Variants in TRAPPC12 observed in about 807,000 individuals in gnomAD.
The protein encoded by TRAPPC12 is TPR repeat protein 15.
Under a neutral mutation model 69.2 loss-of-function variants are expected in TRAPPC12, and 61 were observed. The observed-to-expected ratio is 0.88, with a 90% CI of 0.72 to 1.09. The LOEUF is 1.09. TRAPPC12 is among the 50% of genes least tolerant of loss of function. The pLI, the probability that TRAPPC12 is intolerant of heterozygous loss-of-function variation, is 0.00. For synonymous variants in TRAPPC12, 469 were observed against 438.9 expected, an observed-to-expected ratio of 1.07 and a Z score of -0.86; for missense variants, 1,101 against 1,016.4, an observed-to-expected ratio of 1.08 and a Z score of -1.13.
At chr2:3,464,994 T>C in intron 8 of TRAPPC12, among the ~76,000 whole-genome samples, 1 of 152,218 alleles carries the variant, frequency 6.6e-6, no homozygotes, top group Middle Eastern at 3.2e-3. Context: ...CTCCTACATG[T>C]TCCCCCGTAG....
At chr2:3,404,636 A>G (rs1257864044) in intron 3 of TRAPPC12, among the ~76,000 whole-genome samples, 2 of 152,126 alleles carry the variant, frequency 1.3e-5, no homozygotes, top group East Asian at 3.9e-4. Flanking sequence ...CAAAAATTAA[A>G]AATCTGTAAT....
chr2:3,479,110 C>A, intron 11 of TRAPPC12, 109 bp from the exon 12 acceptor site: 2 of 1,539,522 alleles, frequency 1.3e-6, no homozygotes. Context: ...CTCTGCCCAG[C>A]AGCTCTGCAC....
Position 3,404,217 on chromosome 2 carries a change from C to A in TRAPPC12, c.1164+2324C>A, listed in dbSNP as rs545272369. ...GGCTGTACTCTGCTGTGAGGTCGCG[C>A]AGGGACATCGTGCCCTGGGTTCCTG... On this transcript the variant is annotated intron_variant, in intron 3 of 11. Coordinates refer to ENST00000324266, the MANE Select transcript of TRAPPC12 (RefSeq NM_016030.6). 9.2e-5 allele frequency among the ~76,000 whole-genome samples: 14 copies of A among 152,240 alleles called. No homozygotes were observed. The South Asian group carries it at 2.9e-3, about 32-fold the overall frequency.
intron 3 of TRAPPC12, among the ~76,000 whole-genome samples, chr2:3,415,615 G>A (rs1662333118): frequency 6.6e-6 from 1 of 151,916 alleles, no homozygotes; most frequent in Non-Finnish European, 1.5e-5. Context: ...TGTTGGCCAG[G>A]CTGCTCTCCA....
intron 3 of TRAPPC12, among the ~76,000 whole-genome samples, chr2:3,405,133 C>T (rs142302469): frequency 3.7e-4 from 50 of 134,652 alleles, no homozygotes; most frequent in Non-Finnish European, 6.2e-4. Flanking sequence ...AGCATTTCAG[C>T]AGGGTCTACT....
At chr2:3,431,089 C>T (rs1356997671) in intron 5 of TRAPPC12, among the ~76,000 whole-genome samples, 3 of 152,360 alleles carry the variant, frequency 2.0e-5, no homozygotes, top group African/African-American at 7.2e-5. Context: ...CTGGAGCTTC[C>T]AAGAGCTCTG....
Position 3,388,201 on chromosome 2 carries a change from C to A in TRAPPC12, c.578C>A (p.Ala193Asp). 1 of 1,609,370 alleles carries A rather than the reference C, an allele frequency of 6.2e-7. No individual in the cohort carries two copies. The highest frequency in any genetic ancestry group is 8.5e-7 in the Non-Finnish European group (1 of 1,177,940). The stretch of plus-strand genomic sequence containing the variant: ...TTCGGTGGCGCCAGCGAGGCCTCGG[C>A]CAGGACACCGCCCCAGGTCGTGCAG... ...PSFGGASEAS[A>D]RTPPQVVQPS... The change falls in exon 2 of 12, where the codon GCC becomes GAC. Residue 193 changes from alanine to aspartate, a missense_variant. By Grantham distance (126) the Ala-to-Asp change is moderately radical. Transcript: ENST00000324266.
At chr2:3,410,124 A>T (rs1451352332) in intron 3 of TRAPPC12, among the ~76,000 whole-genome samples, 1 of 152,200 alleles carries the variant, frequency 6.6e-6, no homozygotes, top group Non-Finnish European at 1.5e-5. Context: ...GGTTGGTGTA[A>T]GTTTGTGTAG....
Position 3,403,723 on chromosome 2 carries a change from C to CAACT in TRAPPC12, c.1164+1831_1164+1834dup, listed in dbSNP as rs200244634. On this transcript the variant is annotated intron_variant, in intron 3 of 11. Transcript: ENST00000324266. ...GCGTGGCTCAGTCCCAGCTCAGAGG[C>CAACT]AACTGTCTTTTGTGTGAAAACAGTA... Among the ~76,000 whole-genome samples, 325 of 152,318 alleles carry CAACT rather than the reference C, an allele frequency of 2.1e-3. 3 individuals are homozygous for CAACT. In the East Asian group the frequency reaches 0.025, roughly 12 times the overall value.
At chr2:3,403,489 C>T (rs1661567963) in intron 3 of TRAPPC12, among the ~76,000 whole-genome samples, 2 of 152,178 alleles carry the variant, frequency 1.3e-5, no homozygotes, top group Admixed American at 1.3e-4. Flanking sequence ...CCTCACCCTC[C>T]CAGAGTGCTG....
chr2:3,386,223 A>G lies in TRAPPC12; in HGVS notation c.-4-1397A>G, dbSNP rs973805456. Among the ~76,000 whole-genome samples the G allele has an allele frequency of 2.0e-5, 3 of 152,196 alleles. No homozygotes were observed. In the South Asian group the frequency reaches 6.2e-4, roughly 31 times the overall value. On this transcript the variant is annotated intron_variant, in intron 1 of 11. Coordinates refer to ENST00000324266, the MANE Select transcript of TRAPPC12 (RefSeq NM_016030.6). ...TCAGCTAAGTGTCATTTTTTAAGTA[A>G]AAAAGGTACGTGTTGTTTTATTCTG...
At chr2:3,419,149 T>G (rs1662624563) in intron 3 of TRAPPC12, among the ~76,000 whole-genome samples, 1 of 152,192 alleles carries the variant, frequency 6.6e-6, no homozygotes. Context: ...TCACTGTAGG[T>G]CATGTCCTGA....
chr2:3,479,473 A>C lies in TRAPPC12; in HGVS notation c.*12A>C, dbSNP rs1391619017. On this transcript the variant is annotated 3_prime_UTR_variant, in exon 12 of 12. Transcript: ENST00000324266. ...TCAAGCTGGCCTAGCTGCCTCCAAC[A>C]CACTACGTCAGAAGGACCCGGGTCT... 2.5e-6 allele frequency: 4 copies of C among 1,612,878 alleles called. No individual in the cohort carries two copies. In the Admixed American group the frequency reaches 6.7e-5, roughly 27 times the overall value.
Position 3,479,256 on chromosome 2 carries a change from G to A in TRAPPC12, c.2003G>A (p.Gly668Asp), listed in dbSNP as rs1444845971. ...NNAAVCLLYL[G>D]KLKDSLRQLE... The stretch of plus-strand genomic sequence containing the variant: ...GCTGCCGTGTGTCTGCTCTACCTGG[G>A]CAAGCTCAAGGACTCCCTGCGGCAG... Residue 668 changes from glycine (G) to aspartate (D), a missense_variant, in exon 12 of 12, where the codon GGC (glycine) becomes GAC (aspartate). Physicochemically the swap from Gly to Asp is moderately conservative, Grantham distance 94. Coordinates refer to ENST00000324266, the MANE Select transcript of TRAPPC12 (RefSeq NM_016030.6). 1 of 1,614,102 alleles carries A rather than the reference G, an allele frequency of 6.2e-7. No individual in the cohort carries two copies. The highest frequency in any genetic ancestry group is 8.5e-7 in the Non-Finnish European group (1 of 1,179,984).
intron 5 of TRAPPC12, among the ~76,000 whole-genome samples, chr2:3,435,715 C>A (rs1663734733): frequency 1.3e-5 from 2 of 152,206 alleles, no homozygotes; most frequent in Admixed American, 6.5e-5. Context: ...TCATCACTTT[C>A]TTTTCCCTTA....
chr2:3,465,420 G>A (rs1376770271), intron 8 of TRAPPC12, among the ~76,000 whole-genome samples, 177 bp from the exon 9 acceptor site: 9 of 152,222 alleles, frequency 5.9e-5, no homozygotes, highest in African/African-American at 2.2e-4. Context: ...GCAGTCGGGA[G>A]AGCAGCCGCC....
chr2:3,461,902 T>G (rs1665525818), intron 8 of TRAPPC12, among the ~76,000 whole-genome samples: 1 of 152,172 alleles, frequency 6.6e-6, no homozygotes, highest in African/African-American at 2.4e-5. Context: ...CCCCTCTGCC[T>G]CCCAAAACAG....
chr2:3,432,553 C>T (rs1389416411), intron 5 of TRAPPC12, among the ~76,000 whole-genome samples: 1 of 152,106 alleles, frequency 6.6e-6, no homozygotes, highest in Non-Finnish European at 1.5e-5. Context: ...ACAAAATTAC[C>T]TCACCTTGCA....
At chr2:3,462,267 C>T (rs573482452) in intron 8 of TRAPPC12, among the ~76,000 whole-genome samples, 15 of 152,326 alleles carry the variant, frequency 9.8e-5, no homozygotes, top group African/African-American at 3.6e-4. Flanking sequence ...TCCTGTATTG[C>T]TGGGACTCAG....
Sources: allele counts gnomAD v4.1 joint callset (sites outside exome capture counted in the v4.1 genomes callset), GRCh38; gene constraint gnomAD v4.1.1; transcripts MANE v1.5; gene names NCBI Gene and HGNC (gene_info 2026-07-23, HGNC 2026-07-21).